The following DRD2 variants were observed in gnomAD, a reference collection of about 807,000 sequenced individuals.
The protein encoded by DRD2 is dopamine receptor D2.
A neutral mutation model predicts 38.0 loss-of-function variants in DRD2; 8 were observed. The observed-to-expected ratio is 0.21, with a 90% CI of 0.12 to 0.38. DRD2 has a LOEUF of 0.38. Among genes scored for constraint, DRD2 ranks in the 10% least tolerant of loss-of-function variants. The pLI is 1.00. For missense variants in DRD2, 403 were observed against 607.7 expected, an observed-to-expected ratio of 0.66 and a Z score of 3.54; for synonymous variants, 230 against 238.6, an observed-to-expected ratio of 0.96 and a Z score of 0.33.
chr11:113,444,654 G>A (rs1255175784), intron 1 of DRD2, among the ~76,000 whole-genome samples: 1 of 152,190 alleles, frequency 6.6e-6, no homozygotes, highest in African/African-American at 2.4e-5. Context: ...TATAAATGGT[G>A]GCTGATGATG....
At chr11:113,463,291 AC>A (rs1384617536) in intron 1 of DRD2, among the ~76,000 whole-genome samples, 1 of 152,148 alleles carries the variant, frequency 6.6e-6, no homozygotes, top group African/African-American at 2.4e-5. Flanking sequence ...AATTGGGGAA[AC>A]TTTTAATGTG....
chr11:113,446,244 C>T (rs1462799351), intron 1 of DRD2, among the ~76,000 whole-genome samples: 1 of 152,120 alleles, frequency 6.6e-6, no homozygotes, highest in African/African-American at 2.4e-5. Flanking sequence ...ACCCTAGTTC[C>T]CCAGGCACTC....
chr11:113,422,486 G>C (rs1190986696), intron 2 of DRD2, among the ~76,000 whole-genome samples: 1 of 152,222 alleles, frequency 6.6e-6, no homozygotes, highest in Non-Finnish European at 1.5e-5. Flanking sequence ...CTTTGGAAGA[G>C]GGAAGAAGGA....
At chr11:113,421,956 A>G (rs971947612) in intron 2 of DRD2, among the ~76,000 whole-genome samples, 3 of 152,262 alleles carry the variant, frequency 2.0e-5, no homozygotes, top group Admixed American at 2.0e-4. Flanking sequence ...CCTTTAAAAT[A>G]AGGTGAACAA....
At chr11:113,428,709 C>T (rs1950960588) in intron 1 of DRD2, among the ~76,000 whole-genome samples, 1 of 152,166 alleles carries the variant, frequency 6.6e-6, no homozygotes. Flanking sequence ...ACTGCAGCCT[C>T]AACTCCTGGC....
At chr11:113,415,820 G>C (rs960017651) in intron 4 of DRD2, among the ~76,000 whole-genome samples, 1 of 152,180 alleles carries the variant, frequency 6.6e-6, no homozygotes, top group African/African-American at 2.4e-5. Flanking sequence ...TGAGCAAAAA[G>C]TTAAGCTGTG....
At chr11:113,458,166 C>A (rs1227031185) in intron 1 of DRD2, among the ~76,000 whole-genome samples, 1 of 152,236 alleles carries the variant, frequency 6.6e-6, no homozygotes, top group Non-Finnish European at 1.5e-5. Flanking sequence ...TGGTGCCTAA[C>A]CTGGGTATTT....
At chr11:113,454,974 G>C (rs1460526843) in intron 1 of DRD2, among the ~76,000 whole-genome samples, 1 of 152,082 alleles carries the variant, frequency 6.6e-6, no homozygotes, top group Non-Finnish European at 1.5e-5. Context: ...CTTTATAAAA[G>C]AATCAACTTA....
At chr11:113,450,681 GTCT>G (rs1281178315) in intron 1 of DRD2, among the ~76,000 whole-genome samples, 1 of 152,202 alleles carries the variant, frequency 6.6e-6, no homozygotes, top group Non-Finnish European at 1.5e-5. Context: ...GTGATCAGAA[GTCT>G]AACTTTCTTC....
chr11:113,460,103 C>A (rs542004626), intron 1 of DRD2, among the ~76,000 whole-genome samples: 2 of 152,250 alleles, frequency 1.3e-5, no homozygotes, highest in African/African-American at 4.8e-5. Flanking sequence ...GTCTGGCAGA[C>A]AGAAACTCAG....
intron 1 of DRD2, among the ~76,000 whole-genome samples, chr11:113,437,303 T>C (rs1464908211): frequency 6.6e-6 from 1 of 151,788 alleles, no homozygotes; most frequent in Non-Finnish European, 1.5e-5. Flanking sequence ...ACACCAGGAG[T>C]TGAGTATGGA....
chr11:113,471,685 G>T (rs1256385136), intron 1 of DRD2, among the ~76,000 whole-genome samples: 2 of 152,178 alleles, frequency 1.3e-5, no homozygotes, highest in African/African-American at 2.4e-5. Context: ...TCAGAAACTG[G>T]AAAATTCATT....
chr11:113,459,451 A>C (rs948467552), intron 1 of DRD2, among the ~76,000 whole-genome samples: 9 of 152,204 alleles, frequency 5.9e-5, no homozygotes, highest in African/African-American at 1.7e-4. Context: ...AGGACAAGAA[A>C]AGTTAACTAT....
Position 113,410,335 on chromosome 11 carries a change from C to T in DRD2, c.*392G>A, listed in dbSNP as rs1050656268. 2 of 415,032 alleles carry T rather than the reference C, an allele frequency of 4.8e-6. No individual in the cohort carries two copies. The highest frequency in any genetic ancestry group is 4.5e-6 in the Non-Finnish European group (1 of 221,532). The allele number at this position is 415,032 out of a possible 1,614,324, so 25.7% of individuals were successfully genotyped here. A position where few individuals can be genotyped will look rare whatever the true frequency, so the allele number is the denominator to read the frequency against. ...CCATCTCTCCCCACCGCCTGCTCCA[C>T]GCCAAGCCCCACAAAGAGAAAACTC... is the stretch of plus-strand genomic sequence containing the variant. On this transcript the variant is annotated 3_prime_UTR_variant, in exon 8 of 8. Coordinates refer to ENST00000362072, the MANE Select transcript of DRD2 (RefSeq NM_000795.4).
chr11:113,434,171 C>T (rs949783716), intron 1 of DRD2, among the ~76,000 whole-genome samples: 1 of 152,240 alleles, frequency 6.6e-6, no homozygotes, highest in African/African-American at 2.4e-5. Flanking sequence ...TGACACCCAG[C>T]ACAGGTGTAA....
At chr11:113,424,788 G>A (rs576011414) in intron 1 of DRD2, 106 bp from the exon 2 acceptor site, 18 of 1,136,040 alleles carry the variant, frequency 1.6e-5, no homozygotes, top group Admixed American at 1.2e-4. Context: ...TTTCCAACTC[G>A]GGATTTTAAG....
At chr11:113,448,665 TC>T (rs1951179438) in intron 1 of DRD2, among the ~76,000 whole-genome samples, 1 of 152,108 alleles carries the variant, frequency 6.6e-6, no homozygotes, top group Non-Finnish European at 1.5e-5. Flanking sequence ...GGTACAGCAG[TC>T]TATTCTGTCT....
chr11:113,434,208 G>T (rs757792266), intron 1 of DRD2, among the ~76,000 whole-genome samples: 1 of 152,222 alleles, frequency 6.6e-6, no homozygotes, highest in East Asian at 1.9e-4. Context: ...CTAGAGATTT[G>T]TTTGATGTCT....
chr11:113,419,483 G>A lies in DRD2; in HGVS notation c.286-1347C>T, dbSNP rs370171129. On this transcript the variant is annotated intron_variant, in intron 2 of 7. Coordinates refer to ENST00000362072, the MANE Select transcript of DRD2 (RefSeq NM_000795.4). ...ACACACACACACACATGAACGCACC[G>A]CCCTCCCCCCTCCCCACGTAACACC... Among the ~76,000 whole-genome samples the A allele has an allele frequency of 9.8e-3, 531 of 54,138 alleles. 5 individuals carry two copies. Among genetic ancestry groups the A allele is most frequent in the South Asian group, 0.086 (113 of 1,308 alleles). The allele number at this position is 54,138 out of a possible 152,430, so 35.5% of individuals were successfully genotyped here.
Sources: gnomAD v4.1 joint callset for allele counts (sites outside exome capture counted in the v4.1 genomes callset) on GRCh38, gnomAD v4.1.1 for gene constraint, MANE v1.5 for transcripts, NCBI Gene and HGNC (gene_info 2026-07-23, HGNC 2026-07-21) for gene names.